Variants in RSRC1 observed in about 807,000 individuals in gnomAD.
The protein encoded by RSRC1 is serine/Arginine-related protein 53.
In RSRC1, 39 loss-of-function variants were observed where a neutral mutation model predicts 49.1. That is an observed-to-expected ratio of 0.79 (90% CI 0.61 to 1.04). RSRC1 has a LOEUF of 1.04. Ranked by LOEUF, RSRC1 falls within the 50% of genes least tolerant of loss-of-function variation. RSRC1 has a pLI of 0.00. For synonymous variants in RSRC1, 143 were observed against 130.8 expected, an observed-to-expected ratio of 1.09 and a Z score of -0.63; for missense variants, 388 against 402.4, an observed-to-expected ratio of 0.96 and a Z score of 0.31.
chr3:158,434,613 G>A (rs967011222), intron 6 of RSRC1, among the ~76,000 whole-genome samples: 1 of 151,848 alleles, frequency 6.6e-6, no homozygotes, highest in Non-Finnish European at 1.5e-5. Flanking sequence ...GCGCCACCTA[G>A]CGAAACTCGG....
chr3:158,240,358 A>G (rs1177280721), intron 4 of RSRC1, among the ~76,000 whole-genome samples: 2 of 152,044 alleles, frequency 1.3e-5, no homozygotes, highest in Admixed American at 6.6e-5. Flanking sequence ...CATATTTCAT[A>G]TTTATCAAAG....
chr3:158,444,357 A>G (rs541282523), intron 6 of RSRC1, among the ~76,000 whole-genome samples: 1 of 152,234 alleles, frequency 6.6e-6, no homozygotes, highest in Non-Finnish European at 1.5e-5. Flanking sequence ...AATACCACAC[A>G]TCTACAACCA....
At chr3:158,477,822 A>ATATATATATATC (rs1411204915) in intron 7 of RSRC1, among the ~76,000 whole-genome samples, 73 of 134,618 alleles carry the variant, frequency 5.4e-4, no homozygotes, top group African/African-American at 1.8e-3. Flanking sequence ...ATATATATAT[A>ATATATATATATC]TATATGAAAG....
chr3:158,515,657 T>C (rs890304212), intron 7 of RSRC1, among the ~76,000 whole-genome samples: 4 of 139,142 alleles, frequency 2.9e-5, no homozygotes, highest in East Asian at 4.0e-4. Context: ...CCTTGCTAGA[T>C]TGGGGAAGTT....
At chr3:158,525,424 G>GC (rs1711951165) in intron 7 of RSRC1, among the ~76,000 whole-genome samples, 1 of 151,944 alleles carries the variant, frequency 6.6e-6, no homozygotes. Flanking sequence ...AAGATGTAGA[G>GC]CACCAGTACT....
At chr3:158,352,644 G>A (rs755717651) in intron 5 of RSRC1, among the ~76,000 whole-genome samples, 2 of 152,106 alleles carry the variant, frequency 1.3e-5, no homozygotes, top group Non-Finnish European at 2.9e-5. Flanking sequence ...AATCTGGCCC[G>A]TAAAAGTACT....
intron 6 of RSRC1, among the ~76,000 whole-genome samples, chr3:158,436,653 G>A (rs955407667): frequency 6.6e-6 from 1 of 151,638 alleles, no homozygotes; most frequent in Non-Finnish European, 1.5e-5. Flanking sequence ...TTTTTTAAGT[G>A]TACAAATTAT....
At chr3:158,463,408 A>G (rs1459994543) in intron 7 of RSRC1, among the ~76,000 whole-genome samples, 1 of 152,086 alleles carries the variant, frequency 6.6e-6, no homozygotes, top group Non-Finnish European at 1.5e-5. Flanking sequence ...TCTAACTGCA[A>G]ATTGAAACCT....
chr3:158,170,603 T>C (rs1578158885), intron 3 of RSRC1, among the ~76,000 whole-genome samples: 1 of 152,268 alleles, frequency 6.6e-6, no homozygotes, highest in South Asian at 2.1e-4. Flanking sequence ...TCATATGCAC[T>C]GAGTTGCTCA....
At chr3:158,505,134 A>G (rs1460266279) in intron 7 of RSRC1, among the ~76,000 whole-genome samples, 1 of 152,240 alleles carries the variant, frequency 6.6e-6, no homozygotes, top group African/African-American at 2.4e-5. Context: ...CTGTAAGTGA[A>G]TAATCAATTC....
chr3:158,387,906 A>G (rs927329675), intron 6 of RSRC1, among the ~76,000 whole-genome samples: 3 of 152,176 alleles, frequency 2.0e-5, no homozygotes, highest in Non-Finnish European at 2.9e-5. Context: ...TCAGTGACAA[A>G]CGCACACATG....
intron 6 of RSRC1, among the ~76,000 whole-genome samples, chr3:158,420,227 A>G (rs758288330): frequency 6.6e-6 from 1 of 152,022 alleles, no homozygotes; most frequent in African/African-American, 2.4e-5. Flanking sequence ...AAGATAGGTA[A>G]GCAAAATAAA....
At chr3:158,474,140 TAATG>T (rs1464738809) in intron 7 of RSRC1, among the ~76,000 whole-genome samples, 1 of 152,142 alleles carries the variant, frequency 6.6e-6, no homozygotes, top group Non-Finnish European at 1.5e-5. Flanking sequence ...GTGAATTTGA[TAATG>T]AAGCCAAATC....
At chr3:158,301,950 T>C (rs1182410798) in intron 5 of RSRC1, among the ~76,000 whole-genome samples, 1 of 150,784 alleles carries the variant, frequency 6.6e-6, no homozygotes, top group Admixed American at 6.6e-5. Context: ...ACTTCTGGTT[T>C]ATTATCAATC....
intron 3 of RSRC1, among the ~76,000 whole-genome samples, chr3:158,180,291 A>C (rs140868435): frequency 1.4e-4 from 20 of 146,338 alleles, no homozygotes; most frequent in African/African-American, 4.8e-4. Flanking sequence ...TGTTTCTCAT[A>C]TGTTTTCTTT....
At chr3:158,144,705 G>T (rs1015095726) in intron 3 of RSRC1, among the ~76,000 whole-genome samples, 1 of 152,082 alleles carries the variant, frequency 6.6e-6, no homozygotes, top group South Asian at 2.1e-4. Flanking sequence ...CTGAAGAATC[G>T]CCACACTGAC....
At chr3:158,513,328 G>A (rs1400693792) in intron 7 of RSRC1, among the ~76,000 whole-genome samples, 1 of 152,046 alleles carries the variant, frequency 6.6e-6, no homozygotes, top group South Asian at 2.1e-4. Flanking sequence ...AGCATGAAGG[G>A]TTGTTGAATT....
chr3:158,296,083 G>A (rs74849692), intron 4 of RSRC1, among the ~76,000 whole-genome samples: 7,492 of 152,068 alleles, frequency 0.049, 216 homozygotes, highest in East Asian at 0.09. Flanking sequence ...TCTAGCCCCA[G>A]CTATTTCAGA....
chr3:158,459,131 A>G (rs1737490058), intron 6 of RSRC1, among the ~76,000 whole-genome samples: 1 of 152,170 alleles, frequency 6.6e-6, no homozygotes, highest in Non-Finnish European at 1.5e-5. Context: ...GTACACACAG[A>G]CATATATTTG....
Sources: allele counts gnomAD v4.1 joint callset (sites outside exome capture counted in the v4.1 genomes callset), GRCh38; gene constraint gnomAD v4.1.1; transcripts MANE v1.5; gene names NCBI Gene and HGNC (gene_info 2026-07-23, HGNC 2026-07-21).